TMEM132D: variants seen among roughly 807,000 people sequenced by gnomAD.
The protein encoded by TMEM132D is transmembrane protein 132D.
A neutral mutation model predicts 62.3 loss-of-function variants in TMEM132D; 21 were observed. That is an observed-to-expected ratio of 0.34 (90% CI 0.24 to 0.49). The LOEUF (loss-of-function observed/expected upper bound fraction) is 0.49. Ranked by LOEUF, TMEM132D falls within the 20% of genes least tolerant of loss-of-function variation. TMEM132D has a pLI of 0.99. For synonymous variants in TMEM132D, 621 were observed against 575.6 expected (o/e 1.08, Z -1.13); for missense variants, 1,346 against 1,402.8 (o/e 0.96, Z 0.65).
At chr12:129,453,752 C>T (rs1026322264) in intron 3 of TMEM132D, among the ~76,000 whole-genome samples, 1 of 152,176 alleles carries the variant, frequency 6.6e-6, no homozygotes, top group Non-Finnish European at 1.5e-5. Context: ...AGTTGATTCT[C>T]ATTGTCTCTC....
chr12:129,516,037 G>T (rs1207290100), intron 3 of TMEM132D, among the ~76,000 whole-genome samples: 2 of 152,160 alleles, frequency 1.3e-5, no homozygotes, highest in Non-Finnish European at 1.5e-5. Flanking sequence ...AACCACGCAA[G>T]GTGCTTTTCA....
intron 4 of TMEM132D, among the ~76,000 whole-genome samples, chr12:129,266,270 C>T (rs1880691605): frequency 6.6e-6 from 1 of 152,134 alleles, no homozygotes; most frequent in Non-Finnish European, 1.5e-5. Flanking sequence ...CTCTCAGCCT[C>T]CTTGGCTCGC....
chr12:129,828,544 A>G (rs954687632), intron 1 of TMEM132D, among the ~76,000 whole-genome samples: 3 of 150,800 alleles, frequency 2.0e-5, no homozygotes, highest in Admixed American at 6.6e-5. Context: ...TGAGCACTCA[A>G]ATTAAATTCA....
At chr12:129,099,277 CTG>C (rs1452677529) in intron 5 of TMEM132D, among the ~76,000 whole-genome samples, 7 of 152,196 alleles carry the variant, frequency 4.6e-5, no homozygotes, top group Admixed American at 1.3e-4. Context: ...GGTAACAACT[CTG>C]TGATTTTCTC....
chr12:129,884,423 AATT>A (rs1420238087), intron 1 of TMEM132D, among the ~76,000 whole-genome samples: 1 of 152,220 alleles, frequency 6.6e-6, no homozygotes, highest in African/African-American at 2.4e-5. Context: ...AAGCCACCCA[AATT>A]ATTTGGCCAT....
chr12:129,142,487 C>T (rs2135531099), intron 5 of TMEM132D, among the ~76,000 whole-genome samples: 1 of 152,236 alleles, frequency 6.6e-6, no homozygotes, highest in Admixed American at 6.5e-5. Flanking sequence ...GCTTGTTAAG[C>T]TGTTTCAAGC....
chr12:129,580,837 T>G (rs533909845), intron 2 of TMEM132D, among the ~76,000 whole-genome samples: 1 of 152,344 alleles, frequency 6.6e-6, no homozygotes, highest in South Asian at 2.1e-4. Context: ...AAATTTCAAA[T>G]CATGGGCAGG....
intron 5 of TMEM132D, among the ~76,000 whole-genome samples, chr12:129,128,199 C>G (rs901427): frequency 0.99 from 150,629 of 152,342 alleles, 74,485 homozygotes; most frequent in Middle Eastern, 1. Context: ...TGCCCATTTT[C>G]GTGGCTTGGG....
At chr12:129,098,443 G>T (rs1593260106) in intron 5 of TMEM132D, among the ~76,000 whole-genome samples, 1 of 152,288 alleles carries the variant, frequency 6.6e-6, no homozygotes, top group South Asian at 2.1e-4. Flanking sequence ...AGTGACAAAT[G>T]TCCTCGTGCC....
intron 5 of TMEM132D, among the ~76,000 whole-genome samples, chr12:129,205,326 C>A (rs1878812384): frequency 6.9e-6 from 1 of 145,924 alleles, no homozygotes; most frequent in African/African-American, 2.6e-5. Flanking sequence ...GAAAAATCTA[C>A]CAAAGAAATG....
At position 129,253,123 on chromosome 12, in the gene TMEM132D, A is replaced by G. The variant is rs959053355; in HGVS notation, c.1300-43460T>C. Among the ~76,000 whole-genome samples the G allele has an allele frequency of 3.3e-5, 5 of 151,804 alleles. 1 individual carries two copies. The highest frequency in any genetic ancestry group is 1.3e-4 in the Admixed American group (2 of 15,224). On this transcript the variant is annotated intron_variant, in intron 4 of 8. Transcript: ENST00000422113. ...GAGTTAATGGGTGCAGCACACCAAC[A>G]TGGCACATGTATACATATGTAACAA...
chr12:129,207,510 G>C (rs1878889406), intron 5 of TMEM132D, among the ~76,000 whole-genome samples: 1 of 152,174 alleles, frequency 6.6e-6, no homozygotes, highest in South Asian at 2.1e-4. Context: ...CTCAGAAAAG[G>C]CCTTGGGGAG....
chr12:129,841,719 A>G (rs944257419), intron 1 of TMEM132D, among the ~76,000 whole-genome samples: 4 of 152,224 alleles, frequency 2.6e-5, no homozygotes, highest in Non-Finnish European at 5.9e-5. Context: ...CGTCACTGCT[A>G]AAATATTAAT....
Position 129,836,694 on chromosome 12 carries a change from A to G in TMEM132D, c.79+66567T>C, listed in dbSNP as rs140578881. Among the ~76,000 whole-genome samples, 878 of 152,190 alleles carry G rather than the reference A, an allele frequency of 5.8e-3. 6 individuals are homozygous for G. Among genetic ancestry groups the G allele is most frequent in the African/African-American group, 0.02 (836 of 41,514 alleles). On this transcript the variant is annotated intron_variant, in intron 1 of 8. Coordinates refer to ENST00000422113, the MANE Select transcript of TMEM132D (RefSeq NM_133448.3). ...GTGCATAAAATAAACATCTCCCATG[A>G]ATCATTAAATCATAAAAAGGGCCCC...
chr12:129,333,875 C>T (rs1869191776), intron 4 of TMEM132D, among the ~76,000 whole-genome samples: 1 of 152,186 alleles, frequency 6.6e-6, no homozygotes, highest in African/African-American at 2.4e-5. Flanking sequence ...AATTCCAGCA[C>T]TTTGGGAAGC....
At chr12:129,438,564 G>A (rs139072772) in intron 3 of TMEM132D, among the ~76,000 whole-genome samples, 185 of 152,270 alleles carry the variant, frequency 1.2e-3, no homozygotes, top group Non-Finnish European at 1.9e-3. Flanking sequence ...TCCAAAAACA[G>A]AGACACAAGT....
chr12:129,424,985 A>C (rs1373488434), intron 3 of TMEM132D, among the ~76,000 whole-genome samples: 1 of 151,890 alleles, frequency 6.6e-6, no homozygotes, highest in African/African-American at 2.4e-5. Context: ...TAATCAATCT[A>C]CTTTCTGTCT....
chr12:129,506,431 A>G (rs1277125734), intron 3 of TMEM132D, among the ~76,000 whole-genome samples: 1 of 152,178 alleles, frequency 6.6e-6, no homozygotes, highest in Non-Finnish European at 1.5e-5. Flanking sequence ...ACAAATCTGG[A>G]GGCATCACAT....
intron 3 of TMEM132D, among the ~76,000 whole-genome samples, chr12:129,364,997 A>C (rs1593352375): frequency 6.6e-6 from 1 of 152,256 alleles, no homozygotes; most frequent in African/African-American, 2.4e-5. Flanking sequence ...GCATTTTCAA[A>C]TGAATGTACA....
Sources: allele counts gnomAD v4.1 joint callset (sites outside exome capture counted in the v4.1 genomes callset), GRCh38; gene constraint gnomAD v4.1.1; transcripts MANE v1.5; gene names NCBI Gene and HGNC (gene_info 2026-07-23, HGNC 2026-07-21).